The following ATP2C1 variants were observed in gnomAD, a reference collection of about 807,000 sequenced individuals.
The protein encoded by ATP2C1 is ATPase secretory pathway Ca2+ transporting 1, also known as calcium-transporting ATPase type 2C member 1.
A neutral mutation model predicts 120.5 loss-of-function variants in ATP2C1; 31 were observed. That is an observed-to-expected ratio of 0.26 (90% CI 0.19 to 0.35). The LOEUF (loss-of-function observed/expected upper bound fraction) is 0.35, where lower values mean the gene tolerates loss of function less well. Among genes scored for constraint, ATP2C1 ranks in the 10% least tolerant of loss-of-function variants. The pLI is 1.00. For missense variants in ATP2C1, 731 were observed against 1,107.5 expected (o/e 0.66, Z 4.83); for synonymous variants, 351 against 358.7 (o/e 0.98, Z 0.24).
intron 18 of ATP2C1, among the ~76,000 whole-genome samples, chr3:130,978,848 C>T (rs1407984225): frequency 6.6e-6 from 1 of 152,152 alleles, no homozygotes; most frequent in Non-Finnish European, 1.5e-5. Flanking sequence ...TAGAAGCCAC[C>T]TTCAAAGGTG....
Position 130,980,635 on chromosome 3 carries a change from A to G in ATP2C1, c.1795A>G (p.Ile599Val), listed in dbSNP as rs1014593616. Residue 599 changes from isoleucine (I) to valine (V), a missense_variant, in exon 20 of 28, where the codon ATA becomes GTA. Ile to Val is a conservative substitution (Grantham distance 29). Around this residue, in one of 3 missense-constraint regions of ATP2C1, gnomAD observed 571 missense variants for 845.9 expected, o/e 0.67. Transcript: ENST00000510168. ...KTSQSVSGEE[I>V]DAMDVQQLSQ... ...TTCCCAGTCAGTCTCAGGAGAAGAA[A>G]TAGATGCAATGGATGTTCAGCAGCT... is the stretch of plus-strand genomic sequence containing the variant. 5 of 1,613,336 alleles carry G rather than the reference A, an allele frequency of 3.1e-6. No individual in the cohort carries two copies. The highest frequency in any genetic ancestry group is 4.2e-6 in the Non-Finnish European group (5 of 1,179,548).
At chr3:130,987,131 A>G (rs1477726819) in intron 20 of ATP2C1, among the ~76,000 whole-genome samples, 1 of 151,514 alleles carries the variant, frequency 6.6e-6, no homozygotes, top group African/African-American at 2.4e-5. Context: ...AAGAAAGAAA[A>G]TCCATTTCTG....
At chr3:130,958,763 TA>T (rs2060690015) in intron 11 of ATP2C1, among the ~76,000 whole-genome samples, 1 of 152,180 alleles carries the variant, frequency 6.6e-6, no homozygotes, top group African/African-American at 2.4e-5. Flanking sequence ...TGTAGGTGCT[TA>T]ACGTAAGGCA....
chr3:130,913,582 C>G (rs1041461478), intron 2 of ATP2C1, among the ~76,000 whole-genome samples: 5 of 152,232 alleles, frequency 3.3e-5, no homozygotes, highest in East Asian at 1.9e-4. Context: ...TCTCCTTTTC[C>G]AAAGTTAAAA....
At chr3:130,895,559 T>G (rs1366867647) in intron 2 of ATP2C1, among the ~76,000 whole-genome samples, 1 of 152,218 alleles carries the variant, frequency 6.6e-6, no homozygotes, top group African/African-American at 2.4e-5. Context: ...TTCTGACTTG[T>G]GCGTGATCAT....
At chr3:130,918,362 A>C in intron 2 of ATP2C1, 2 of 1,540,366 alleles carry the variant, frequency 1.3e-6, no homozygotes, top group Non-Finnish European at 1.8e-6. Flanking sequence ...CACACTTTGC[A>C]CATCGGAAAT....
chr3:130,955,852 A>G, intron 10 of ATP2C1: 1 of 382,694 alleles, frequency 2.6e-6, no homozygotes, highest in Non-Finnish European at 4.9e-6. Flanking sequence ...AAGGAAGCAT[A>G]GAGAGAACGG....
chr3:130,946,203 T>G (rs911940361), intron 8 of ATP2C1, among the ~76,000 whole-genome samples: 1 of 152,360 alleles, frequency 6.6e-6, no homozygotes, highest in East Asian at 1.9e-4. Context: ...CATTTTAATC[T>G]GGGCAGAAAG....
rs1560016242 is a variant in ATP2C1, at chr3:130,986,918, GT to G, written c.1840-6030del. ...GTTTAGTTTAGTTTAGTTTAGTTTA[GT>G]TTAGTTAGTTTAGTTTAGTTTAGTT... On this transcript the variant is annotated intron_variant, in intron 20 of 27. Transcript: ENST00000510168. 3.8e-3 allele frequency among the ~76,000 whole-genome samples: 23 copies of G among 5,988 alleles called. No homozygotes were observed. The South Asian group carries it at 0.096, about 25-fold the overall frequency. 3.9% of individuals were successfully genotyped at this position (5,988 alleles called of 152,430 possible).
At chr3:130,880,798 C>T (rs534554752) in intron 1 of ATP2C1, among the ~76,000 whole-genome samples, 1 of 152,304 alleles carries the variant, frequency 6.6e-6, no homozygotes, top group Admixed American at 6.5e-5. Context: ...GGCTAAACTG[C>T]AGGATCCTCA....
At chr3:131,008,065 T>C (rs1375008786), downstream of ATP2C1, among the ~76,000 whole-genome samples, 1 of 152,198 alleles carries the variant, frequency 6.6e-6, no homozygotes, top group Non-Finnish European at 1.5e-5. Flanking sequence ...ATGCATCAGC[T>C]AGAGGTATTA....
chr3:130,990,978 A>T (rs2062309156), intron 20 of ATP2C1, among the ~76,000 whole-genome samples: 1 of 152,204 alleles, frequency 6.6e-6, no homozygotes, highest in African/African-American at 2.4e-5. Flanking sequence ...GCTGATCTGG[A>T]TTTCAGAAGA....
chr3:130,902,889 T>C (rs1473165496), intron 2 of ATP2C1, among the ~76,000 whole-genome samples: 1 of 152,036 alleles, frequency 6.6e-6, no homozygotes, highest in Non-Finnish European at 1.5e-5. Flanking sequence ...GATATTTTCA[T>C]CTCTAATACC....
At chr3:130,900,031 C>T (rs2070015591) in intron 2 of ATP2C1, among the ~76,000 whole-genome samples, 1 of 152,040 alleles carries the variant, frequency 6.6e-6, no homozygotes, top group Non-Finnish European at 1.5e-5. Context: ...TTTAGTATGA[C>T]ATCCTTTTTT....
chr3:130,989,079 C>T (rs1201056520), intron 20 of ATP2C1, among the ~76,000 whole-genome samples: 1 of 151,778 alleles, frequency 6.6e-6, no homozygotes, highest in African/African-American at 2.4e-5. Flanking sequence ...GGTAAAACCC[C>T]GTCTCTACTA....
intron 1 of ATP2C1, among the ~76,000 whole-genome samples, chr3:130,851,589 A>G (rs1466801932): frequency 2.6e-5 from 4 of 152,216 alleles, no homozygotes; most frequent in African/African-American, 7.2e-5. Context: ...AGTCATTTTT[A>G]TGGTGTGAGA....
At chr3:130,940,286 C>T (rs1381403383) in intron 6 of ATP2C1, among the ~76,000 whole-genome samples, 3 of 152,184 alleles carry the variant, frequency 2.0e-5, no homozygotes, top group Non-Finnish European at 4.4e-5. Flanking sequence ...AGACACTTAA[C>T]ATAAGATTAT....
chr3:130,912,980 A>C (rs1287504688), intron 2 of ATP2C1, among the ~76,000 whole-genome samples: 1 of 149,482 alleles, frequency 6.7e-6, no homozygotes, highest in East Asian at 2.0e-4. Context: ...GGAAATCATC[A>C]TTCTCAGTAA....
At chr3:130,942,492 T>G (rs1242599700) in intron 8 of ATP2C1, among the ~76,000 whole-genome samples, 1 of 152,244 alleles carries the variant, frequency 6.6e-6, no homozygotes, top group African/African-American at 2.4e-5. Flanking sequence ...TTAAGCTGTT[T>G]GTTAACACCT....
Sources: allele counts gnomAD v4.1 joint callset (sites outside exome capture counted in the v4.1 genomes callset), GRCh38; gene constraint gnomAD v4.1.1; regional missense constraint gnomAD v4.1.1; transcripts MANE v1.5; gene names NCBI Gene and HGNC (gene_info 2026-07-23, HGNC 2026-07-21).